ATXN2: variants seen among roughly 807,000 people sequenced by gnomAD.
The protein encoded by ATXN2 is ataxin 2, also known as ataxin-2.
Under a neutral mutation model 138.6 loss-of-function variants are expected in ATXN2, and 37 were observed. The ratio of observed to expected loss-of-function variants is 0.27; its 90% CI spans 0.21 to 0.35. ATXN2 has a LOEUF of 0.35. Ranked by LOEUF, ATXN2 falls within the 10% of genes least tolerant of loss-of-function variation. The pLI is 1.00. For missense variants in ATXN2, 1,216 were observed against 1,480.3 expected (o/e 0.82, Z 2.93); for synonymous variants, 549 against 543.7 (o/e 1.01, Z -0.13).
Position 111,598,949 on chromosome 12 carries a change from GGCTGCTGCT to G in ATXN2, c.77_85del (p.Gln26_Gln28del), listed in dbSNP as rs10560189. On this transcript the variant is annotated inframe_deletion, in exon 1 of 25. Coordinates refer to ENST00000673436, the MANE Select transcript of ATXN2 (RefSeq NM_001372574.1). The surrounding 1 kb of genome is among the most constrained non-coding windows in gnomAD (Gnocchi z 4.5). ...GCGGACATTGGCAGCCGCGGGCGGC[GGCTGCTGCT>G]GCTGCTGCTGCTGCTGCTGTTGCTG... 109 of 1,411,642 alleles carry G rather than the reference GGCTGCTGCT, an allele frequency of 7.7e-5. 2 individuals are homozygous for G. The South Asian group carries it at 9.2e-4, about 12-fold the overall frequency. 87.4% of individuals were successfully genotyped at this position (1,411,642 alleles called of 1,614,324 possible). A position where few individuals can be genotyped will look rare whatever the true frequency, so the allele number is the denominator to read the frequency against.
At chr12:111,504,454 G>C (rs1419867979) in intron 14 of ATXN2, among the ~76,000 whole-genome samples, 3 of 151,996 alleles carry the variant, frequency 2.0e-5, no homozygotes, top group Non-Finnish European at 4.4e-5. Context: ...CCACACCCAG[G>C]TAATTTTTGT....
chr12:111,559,190 T>C (rs1023619140), intron 1 of ATXN2, among the ~76,000 whole-genome samples: 3 of 151,010 alleles, frequency 2.0e-5, no homozygotes, highest in Non-Finnish European at 4.4e-5. Context: ...TGGAGTGCAG[T>C]GGCACGATCT....
In ATXN2 at chr12:111,519,431, CCAACTCTTCTCT is replaced by C. The variant is rs1016054479; in HGVS notation, c.986+436_986+447del. On this transcript the variant is annotated intron_variant, in intron 8 of 24. Coordinates refer to ENST00000673436, the MANE Select transcript of ATXN2 (RefSeq NM_001372574.1). Reference sequence around the variant, plus strand: ...TTTCATCAGGTGATAAACTCTTCTCCCAACTCTTCTCTAAGTGTCAAAGACCCTATTATCTTA... The same window carrying C: ...TTTCATCAGGTGATAAACTCTTCTCCAAGTGTCAAAGACCCTATTATCTTA... Among the ~76,000 whole-genome samples, 105 of 152,152 alleles carry C rather than the reference CCAACTCTTCTCT, an allele frequency of 6.9e-4. 1 individual carries two copies. The highest frequency in any genetic ancestry group is 6.9e-3 in the Admixed American group (105 of 15,278).
intron 1 of ATXN2, among the ~76,000 whole-genome samples, chr12:111,569,521 G>A (rs1358634692): frequency 6.6e-6 from 1 of 152,194 alleles, no homozygotes; most frequent in Non-Finnish European, 1.5e-5. Flanking sequence ...TTTGAGACCA[G>A]CCTGGACAAC....
At chr12:111,590,201 G>A (rs746117999) in intron 1 of ATXN2, among the ~76,000 whole-genome samples, 2 of 152,080 alleles carry the variant, frequency 1.3e-5, no homozygotes, top group Non-Finnish European at 2.9e-5. Context: ...GTGACAGAGT[G>A]AGACTCTGTC....
At position 111,456,214 on chromosome 12, in the gene ATXN2, G is replaced by A; in HGVS notation, c.3085C>T (p.Pro1029Ser). 1 of 1,614,266 alleles carries A rather than the reference G, an allele frequency of 6.2e-7. No homozygotes were observed. Among genetic ancestry groups the A allele is most frequent in the Admixed American group, 1.7e-5 (1 of 60,032 alleles). Residue 1029 changes from proline (P) to serine (S), a missense_variant, in exon 23 of 25, where the codon CCA becomes TCA. This residue lies in a region of ATXN2 where 490 missense variants were observed against 653.5 expected (regional missense o/e 0.75). Transcript: ENST00000673436. The part of the protein sequence containing the change: ...QAAQALHLAS[P>S]QQQSAIYHAG... ...TGGTAAATGGCTGACTGCTGCTGTG[G>A]ACTGGCCAGATGGAGAGCCTGGGCG... is the stretch of plus-strand genomic sequence containing the variant.
chr12:111,573,170 ATTATTG>A (rs998152130), intron 1 of ATXN2, among the ~76,000 whole-genome samples: 48 of 151,788 alleles, frequency 3.2e-4, no homozygotes, highest in African/African-American at 1.1e-3. Context: ...TGTTTTCTTC[ATTATTG>A]TTATTATTTT....
chr12:111,524,160 TTA>T (rs1401088698), intron 6 of ATXN2, among the ~76,000 whole-genome samples: 2 of 152,198 alleles, frequency 1.3e-5, no homozygotes, highest in Non-Finnish European at 2.9e-5. Flanking sequence ...TTATATTAGG[TTA>T]TATATGATTT....
At chr12:111,585,930 G>T (rs1288859144) in intron 1 of ATXN2, among the ~76,000 whole-genome samples, 2 of 151,286 alleles carry the variant, frequency 1.3e-5, no homozygotes, top group Non-Finnish European at 2.9e-5. Context: ...TTGAGATAAG[G>T]TCTCATTTTA....
intron 14 of ATXN2, among the ~76,000 whole-genome samples, chr12:111,504,439 C>T (rs536391668): frequency 2.0e-5 from 3 of 152,048 alleles, no homozygotes; most frequent in Non-Finnish European, 4.4e-5. Context: ...TACAGGTGTG[C>T]GCCACCACAC....
intron 10 of ATXN2, among the ~76,000 whole-genome samples, 164 bp from the exon 11 acceptor site, chr12:111,513,703 G>GGC (rs368619533): frequency 4.1e-5 from 6 of 146,814 alleles, no homozygotes; most frequent in African/African-American, 1.5e-4. Context: ...ATATTTTTTT[G>GGC]GCCATACTAA....
chr12:111,571,163 T>C (rs2135813387), intron 1 of ATXN2, among the ~76,000 whole-genome samples: 1 of 152,340 alleles, frequency 6.6e-6, no homozygotes, highest in South Asian at 2.1e-4. Context: ...ATGCGAATAC[T>C]AATTGTAAAG....
intron 18 of ATXN2, among the ~76,000 whole-genome samples, chr12:111,475,162 C>T (rs1592807247): frequency 1.3e-5 from 2 of 150,906 alleles, no homozygotes; most frequent in South Asian, 4.2e-4. Context: ...TGCAGTGAGC[C>T]GAGATCGCAT....
intron 22 of ATXN2, among the ~76,000 whole-genome samples, chr12:111,456,760 ATTTTT>A (rs1251040259): frequency 6.6e-6 from 1 of 151,574 alleles, no homozygotes; most frequent in Non-Finnish European, 1.5e-5. Flanking sequence ...TTAATTTTTT[ATTTTT>A]TTGAGACAGA....
chr12:111,582,674 T>C, intron 1 of ATXN2, among the ~76,000 whole-genome samples: 1 of 152,186 alleles, frequency 6.6e-6, no homozygotes, highest in Middle Eastern at 3.2e-3. Flanking sequence ...GTTTGTTTGT[T>C]TGTTTGTTTG....
At position 111,470,638 on chromosome 12, in the gene ATXN2, A is replaced by G; in HGVS notation, c.2629T>C (p.Ser877Pro). The G allele has an allele frequency of 6.2e-7, 1 of 1,614,152 alleles. No individual in the cohort carries two copies. Among genetic ancestry groups the G allele is most frequent in the Non-Finnish European group, 8.5e-7 (1 of 1,180,032 alleles). ...GGACTGTAGGCAACATATTGCGTGG[A>G]GTAAGCTGGTGGGGTGGCTGCAATC... ...PPIAATPPAY[S>P]TQYVAYSPQQ... The change falls in exon 19 of 25, where the codon TCC becomes CCC. Residue 877 changes from serine to proline, a missense_variant. Physicochemically the swap from Ser to Pro is moderately conservative, Grantham distance 74. Around this residue, in one of 4 missense-constraint regions of ATXN2, gnomAD observed 490 missense variants for 653.5 expected, o/e 0.75. Transcript: ENST00000673436.
At chr12:111,511,738 A>G (rs1879534789) in intron 11 of ATXN2, 1 of 152,174 alleles carries the variant, frequency 6.6e-6, no homozygotes, top group Non-Finnish European at 1.5e-5. Flanking sequence ...TGCTGGGATT[A>G]CAGCCGTGAG....
chr12:111,513,880 G>C (rs916690817), intron 10 of ATXN2, among the ~76,000 whole-genome samples: 3 of 151,748 alleles, frequency 2.0e-5, no homozygotes, highest in African/African-American at 7.3e-5. Flanking sequence ...TGTCTTATTT[G>C]TAAAGAAATA....
chr12:111,474,397 C>A (rs1297795936), intron 18 of ATXN2, among the ~76,000 whole-genome samples: 1 of 146,862 alleles, frequency 6.8e-6, no homozygotes, highest in Non-Finnish European at 1.5e-5. Flanking sequence ...GACTCTGTCT[C>A]AAAAAAAAAC....
Sources: gnomAD v4.1 joint callset for allele counts (sites outside exome capture counted in the v4.1 genomes callset) on GRCh38, gnomAD v4.1.1 for gene constraint, gnomAD v4.1.1 regional missense constraint, Gnocchi (gnomAD v3.1) non-coding constraint, MANE v1.5 for transcripts, NCBI Gene and HGNC (gene_info 2026-07-23, HGNC 2026-07-21) for gene names.